ZDHHC21: variants seen among roughly 807,000 people sequenced by gnomAD.
ZDHHC21 encodes palmitoyltransferase ZDHHC21.
Under a neutral mutation model 34.6 loss-of-function variants are expected in ZDHHC21, and 15 were observed. The observed-to-expected ratio is 0.43, with a 90% CI of 0.29 to 0.67. The LOEUF is 0.67. Among genes scored for constraint, ZDHHC21 ranks in the 30% least tolerant of loss-of-function variants. The pLI, the probability that ZDHHC21 is intolerant of heterozygous loss-of-function variation, is 0.14. For missense variants in ZDHHC21, 344 were observed against 327.7 expected (o/e 1.05, Z -0.38); for synonymous variants, 142 against 101.8 (o/e 1.40, Z -2.38).
intron 8 of ZDHHC21, among the ~76,000 whole-genome samples, chr9:14,636,196 T>C (rs912424253): frequency 3.3e-5 from 5 of 152,042 alleles, no homozygotes; most frequent in African/African-American, 1.2e-4. Context: ...TAAAGACACA[T>C]AGACTGAAAG....
chr9:14,664,149 C>A (rs575180279), intron 5 of ZDHHC21, among the ~76,000 whole-genome samples: 2 of 152,196 alleles, frequency 1.3e-5, no homozygotes, highest in African/African-American at 4.8e-5. Context: ...CCAGCGGGTG[C>A]GCGCACCGTG....
chr9:14,624,063 C>T (rs946967207), intron 8 of ZDHHC21, among the ~76,000 whole-genome samples: 1 of 151,956 alleles, frequency 6.6e-6, no homozygotes, highest in Non-Finnish European at 1.5e-5. Flanking sequence ...GTGATTCAAT[C>T]AACCATGGAT....
intron 7 of ZDHHC21, among the ~76,000 whole-genome samples, chr9:14,644,525 C>A (rs1311809700): frequency 6.6e-6 from 1 of 151,224 alleles, no homozygotes; most frequent in Non-Finnish European, 1.5e-5. Context: ...TTAAGGGGGT[C>A]GGGAAGAAAG....
Position 14,647,375 on chromosome 9 carries a change from A to G in ZDHHC21, c.505-7363T>C, listed in dbSNP as rs541156896. Among the ~76,000 whole-genome samples the G allele has an allele frequency of 6.2e-4, 94 of 152,260 alleles. No homozygotes were observed. In the South Asian group the frequency reaches 0.019, roughly 31 times the overall value. ...CTTGATCTGTGAATTCCTTCAGCTCATATCTTCCTATAAACTTATATCCTA... is the reference window on the plus strand; with the variant it reads ...CTTGATCTGTGAATTCCTTCAGCTCGTATCTTCCTATAAACTTATATCCTA... On this transcript the variant is annotated intron_variant, in intron 7 of 9. Transcript: ENST00000380916.
At chr9:14,633,335 A>C (rs1313194861) in intron 8 of ZDHHC21, among the ~76,000 whole-genome samples, 1 of 152,134 alleles carries the variant, frequency 6.6e-6, no homozygotes, top group East Asian at 1.9e-4. Context: ...CCAGTGCAGG[A>C]AAAGGGTAAG....
At chr9:14,688,881 G>A (rs58285675) in intron 2 of ZDHHC21, among the ~76,000 whole-genome samples, 2 of 151,496 alleles carry the variant, frequency 1.3e-5, no homozygotes, top group Non-Finnish European at 2.9e-5. Context: ...AACAAAAAAC[G>A]AACAAACAGA....
At chr9:14,591,148 T>C in the ZDHHC21 span, among the ~76,000 whole-genome samples, 2 of 151,974 alleles carry the variant, frequency 1.3e-5, no homozygotes, top group African/African-American at 4.8e-5. Flanking sequence ...TAAAGGAAAA[T>C]ACTGAGTTAC....
intron 4 of ZDHHC21, among the ~76,000 whole-genome samples, chr9:14,673,311 A>C (rs1835808086): frequency 6.6e-6 from 1 of 152,038 alleles, no homozygotes; most frequent in Non-Finnish European, 1.5e-5. Flanking sequence ...AAACTTTTTC[A>C]TTAACTAACT....
chr9:14,663,746 C>G (rs1447421076), intron 5 of ZDHHC21, among the ~76,000 whole-genome samples: 8 of 152,162 alleles, frequency 5.3e-5, no homozygotes, highest in Middle Eastern at 3.4e-3. Flanking sequence ...GAAATTATCT[C>G]TTATACTTGA....
intron 7 of ZDHHC21, among the ~76,000 whole-genome samples, chr9:14,640,308 GA>G (rs1184446076): frequency 0.015 from 1,899 of 128,354 alleles, 24 homozygotes; most frequent in Middle Eastern, 0.035. Context: ...CTATTTTGGG[GA>G]AAAAAAAAAA....
At chr9:14,591,543 T>G in the ZDHHC21 span, among the ~76,000 whole-genome samples, 1 of 152,160 alleles carries the variant, frequency 6.6e-6, no homozygotes, top group Non-Finnish European at 1.5e-5. Context: ...ATGAGACGAA[T>G]AATAATCAAA....
the ZDHHC21 span, among the ~76,000 whole-genome samples, chr9:14,600,151 G>A: frequency 5.9e-5 from 9 of 152,142 alleles, no homozygotes; most frequent in African/African-American, 2.2e-4. Flanking sequence ...GGAAGTTCTA[G>A]CCAGGGCAAT....
chr9:14,692,984 G>C (rs1429108036), intron 1 of ZDHHC21, among the ~76,000 whole-genome samples: 1 of 152,014 alleles, frequency 6.6e-6, no homozygotes, highest in Admixed American at 6.5e-5. Flanking sequence ...CACTTAGCAA[G>C]GGGCTGTAGC....
chr9:14,681,380 C>G (rs946796373), intron 2 of ZDHHC21, among the ~76,000 whole-genome samples: 1 of 152,080 alleles, frequency 6.6e-6, no homozygotes, highest in African/African-American at 2.4e-5. Context: ...CCACTGCAAC[C>G]TATTTATTTT....
chr9:14,619,288 G>A (rs796217379), intron 9 of ZDHHC21, among the ~76,000 whole-genome samples, 190 bp from the exon 10 acceptor site: 1 of 152,148 alleles, frequency 6.6e-6, no homozygotes, highest in Non-Finnish European at 1.5e-5. Flanking sequence ...TATTGTATCT[G>A]TGTCGTCAAT....
intron 8 of ZDHHC21, among the ~76,000 whole-genome samples, chr9:14,634,575 C>T (rs1388901118): frequency 1.3e-5 from 2 of 152,182 alleles, no homozygotes; most frequent in African/African-American, 4.8e-5. Context: ...GATGAAATCA[C>T]AGATACCACT....
At chr9:14,676,222 C>T (rs1457941652) in intron 3 of ZDHHC21, among the ~76,000 whole-genome samples, 3 of 151,932 alleles carry the variant, frequency 2.0e-5, no homozygotes, top group Non-Finnish European at 1.5e-5. Context: ...CTGCTAGAAT[C>T]GAACCAGTGT....
At chr9:14,677,076 C>G (rs184155275) in intron 3 of ZDHHC21, among the ~76,000 whole-genome samples, 11 of 152,016 alleles carry the variant, frequency 7.2e-5, no homozygotes, top group Admixed American at 6.6e-4. Flanking sequence ...TTATTCTCCT[C>G]TACTAGAGAA....
chr9:14,662,280 T>C lies in ZDHHC21; in HGVS notation c.300A>G (p.Pro100=), dbSNP rs16932133. The part of the protein sequence containing the change: ...ELCNKCNLMR[P]KRSHHCSRCG... ...AGCGGCTACAGTGATGGGAACGCTT[T>C]GGTCTCATCAAATTACACTTGTTAC... is the stretch of plus-strand genomic sequence containing the variant. Residue 100 remains proline, a synonymous_variant, in exon 6 of 10, where the codon CCA becomes CCG. Transcript: ENST00000380916. 7,941 of 1,612,816 alleles carry C rather than the reference T, an allele frequency of 4.9e-3. 335 individuals are homozygous for C. In the African/African-American group the frequency reaches 0.092, roughly 19 times the overall value.
Sources: allele counts gnomAD v4.1 joint callset (sites outside exome capture counted in the v4.1 genomes callset), GRCh38; gene constraint gnomAD v4.1.1; transcripts MANE v1.5; gene names NCBI Gene and HGNC (gene_info 2026-07-23, HGNC 2026-07-21).